The following ENOX2 variants were observed in gnomAD, a reference collection of about 807,000 sequenced individuals.
ENOX2 encodes the protein ecto-NOX disulfide-thiol exchanger 2.
ENOX2 carries 36 observed loss-of-function variants against 45.0 expected under a neutral mutation model. The observed-to-expected ratio is 0.80, with a 90% CI of 0.61 to 1.06. The LOEUF (loss-of-function observed/expected upper bound fraction) is 1.06. ENOX2 is among the 50% of genes least tolerant of loss of function. The pLI, the probability that ENOX2 is intolerant of heterozygous loss-of-function variation, is 0.00. For synonymous variants in ENOX2, 174 were observed against 152.3 expected (o/e 1.14, Z -1.05); for missense variants, 423 against 462.5 (o/e 0.91, Z 0.78).
Position 130,672,616 on chromosome X carries a change from A to T in ENOX2, c.461-2418T>A, listed in dbSNP as rs1603302168. Among the ~76,000 whole-genome samples the T allele has an allele frequency of 2.7e-5, 3 of 112,359 alleles. No individual in the cohort carries two copies. The Admixed American group carries it at 2.8e-4, about 10-fold the overall frequency. Reference sequence around the variant, plus strand: ...GTGTAAAAGAATAGGTGAGCCACAAAGCTGTCTGTACTGGGCTGAGGGAAG... The same window carrying T: ...GTGTAAAAGAATAGGTGAGCCACAATGCTGTCTGTACTGGGCTGAGGGAAG... On this transcript the variant is annotated intron_variant, in intron 6 of 14. Coordinates refer to ENST00000394363, the MANE Select transcript of ENOX2 (RefSeq NM_006375.4).
At chrX:130,674,822 T>C (rs1333578901) in intron 6 of ENOX2, among the ~76,000 whole-genome samples, 1 of 90,968 alleles carries the variant, frequency 1.1e-5, no homozygotes, top group East Asian at 3.8e-4. Flanking sequence ...CCCGTGTCCA[T>C]GTGTTCTCAT....
chrX:130,711,754 GT>G (rs1395175812), intron 3 of ENOX2, among the ~76,000 whole-genome samples: 1 of 111,461 alleles, frequency 9.0e-6, no homozygotes, highest in African/African-American at 3.3e-5. Context: ...AAGATTTATT[GT>G]TTTAGTCTAT....
intron 14 of ENOX2, among the ~76,000 whole-genome samples, chrX:130,625,675 C>T (rs1426645917): frequency 9.0e-6 from 1 of 111,237 alleles, no homozygotes; most frequent in African/African-American, 3.3e-5. Flanking sequence ...TTGGAAAGAG[C>T]TGGGGTCAGT....
rs752933219 is a variant in ENOX2 at position 130,670,238 on chromosome X, GAGA to G, written c.461-43_461-41del. 5 of 904,108 alleles carry G rather than the reference GAGA, an allele frequency of 5.5e-6. No homozygotes were observed. In the East Asian group the frequency reaches 1.3e-4, roughly 23 times the overall value. 74.5% of individuals were successfully genotyped at this position (904,108 alleles called of 1,213,427 possible). A position where few individuals can be genotyped will look rare whatever the true frequency, so the allele number is the denominator to read the frequency against. ...GGGTGAAAGGGAGAGGAGAGAGGGA[GAGA>G]AGGAGAGAAGTAGAGGGAGAGAGAG... On this transcript the variant is annotated intron_variant, in intron 6 of 14. Coordinates refer to ENST00000394363, the MANE Select transcript of ENOX2 (RefSeq NM_006375.4).
chrX:130,798,064 T>C (rs1467821051), intron 2 of ENOX2, among the ~76,000 whole-genome samples: 1 of 111,435 alleles, frequency 9.0e-6, no homozygotes, highest in African/African-American at 3.3e-5. Context: ...GCCTGGACTC[T>C]ACCACCAGAA....
intron 8 of ENOX2, among the ~76,000 whole-genome samples, chrX:130,666,132 A>G (rs922473272): frequency 6.3e-5 from 7 of 111,644 alleles, no homozygotes; most frequent in African/African-American, 2.3e-4. Context: ...GCATGGAAGA[A>G]AATGGCAAAC....
intron 2 of ENOX2, among the ~76,000 whole-genome samples, chrX:130,849,579 T>A (rs2078172488): frequency 8.9e-6 from 1 of 112,355 alleles, no homozygotes; most frequent in Admixed American, 9.4e-5. Context: ...TTTAACATTC[T>A]TTCTTTCAGT....
chrX:130,808,698 C>T (rs1376227689), intron 2 of ENOX2, among the ~76,000 whole-genome samples: 1 of 111,045 alleles, frequency 9.0e-6, no homozygotes, highest in Admixed American at 9.5e-5. Context: ...CTCTGGCAAA[C>T]GTGATTTGGG....
chrX:130,797,837 A>G (rs1198425579), intron 2 of ENOX2, among the ~76,000 whole-genome samples: 1 of 111,502 alleles, frequency 9.0e-6, no homozygotes, highest in Non-Finnish European at 1.9e-5. Flanking sequence ...GAGGCAAAAA[A>G]AGGGCTCCCA....
At chrX:130,776,708 C>A (rs1004562512) in intron 3 of ENOX2, among the ~76,000 whole-genome samples, 1 of 111,825 alleles carries the variant, frequency 8.9e-6, no homozygotes, top group African/African-American at 3.3e-5. Context: ...CCTAACACAA[C>A]CACAGACAAA....
At chrX:130,817,690 G>C (rs1365030020) in intron 2 of ENOX2, among the ~76,000 whole-genome samples, 1 of 112,166 alleles carries the variant, frequency 8.9e-6, no homozygotes, top group Non-Finnish European at 1.9e-5. Flanking sequence ...AATAGATGCA[G>C]AAAAGGTCTT....
chrX:130,815,836 C>A (rs996845811), intron 2 of ENOX2, among the ~76,000 whole-genome samples: 3 of 111,666 alleles, frequency 2.7e-5, no homozygotes, highest in Non-Finnish European at 5.6e-5. Flanking sequence ...GACACTGCAT[C>A]AACTAATGGG....
At chrX:130,648,558 T>C (rs1425156373) in intron 10 of ENOX2, among the ~76,000 whole-genome samples, 3 of 112,057 alleles carry the variant, frequency 2.7e-5, no homozygotes, top group African/African-American at 9.7e-5. Context: ...TGGAAAGAAC[T>C]TGTGCATTAC....
At chrX:130,887,051 T>C (rs2078917153) in intron 2 of ENOX2, among the ~76,000 whole-genome samples, 1 of 112,001 alleles carries the variant, frequency 8.9e-6, no homozygotes, top group Admixed American at 9.4e-5. Context: ...AGCAATCTGC[T>C]ACAAACATTA....
intron 2 of ENOX2, among the ~76,000 whole-genome samples, chrX:130,816,026 G>T (rs943396370): frequency 9.0e-6 from 1 of 111,479 alleles, no homozygotes; most frequent in African/African-American, 3.3e-5. Context: ...ACACACACAG[G>T]CTCAAAATAA....
At chrX:130,728,891 G>C (rs73555121) in intron 3 of ENOX2, among the ~76,000 whole-genome samples, 1,598 of 111,568 alleles carry the variant, frequency 0.014, 24 homozygotes, top group African/African-American at 0.05. Context: ...AAATGAGTTA[G>C]AACACGTGTG....
chrX:130,878,098 C>T (rs1469368052), intron 2 of ENOX2, among the ~76,000 whole-genome samples: 1 of 111,898 alleles, frequency 8.9e-6, no homozygotes, highest in Non-Finnish European at 1.9e-5. Flanking sequence ...CTGTTACTTC[C>T]AGTAATAAAT....
chrX:130,836,206 TA>T (rs2077924597), intron 2 of ENOX2, among the ~76,000 whole-genome samples: 1 of 111,991 alleles, frequency 8.9e-6, no homozygotes, highest in Admixed American at 9.5e-5. Context: ...GTTAGGTCAA[TA>T]AAAATGTTTC....
intron 2 of ENOX2, among the ~76,000 whole-genome samples, chrX:130,807,110 G>A (rs187317642): frequency 1.3e-3 from 147 of 112,012 alleles, no homozygotes; most frequent in Middle Eastern, 4.7e-3. Flanking sequence ...TAGTTGATAA[G>A]GTCATTTACT....
Sources: allele counts gnomAD v4.1 joint callset (sites outside exome capture counted in the v4.1 genomes callset), GRCh38; gene constraint gnomAD v4.1.1; transcripts MANE v1.5; gene names NCBI Gene and HGNC (gene_info 2026-07-23, HGNC 2026-07-21).